Variants in CD59 observed in about 807,000 individuals in gnomAD.
CD59 encodes CD59 molecule (CD59 blood group), also known as CD59 glycoprotein.
A neutral mutation model predicts 7.0 loss-of-function variants in CD59; 3 were observed. The observed-to-expected ratio is 0.43, with a 90% confidence interval of 0.19 to 1.10. The LOEUF (loss-of-function observed/expected upper bound fraction) is 1.10, where lower values mean the gene tolerates loss of function less well. CD59 is among the 50% of genes least tolerant of loss of function. CD59 has a pLI of 0.29. For synonymous variants in CD59, 60 were observed against 62.0 expected (o/e 0.97, Z 0.15); for missense variants, 143 against 151.0 (o/e 0.95, Z 0.28).
chr11:33,722,412 G>C lies in CD59; in HGVS notation c.34C>G (p.Leu12Val). ...CAGAAGACAGCCAGGACGAGCAGCAGCCCGAACAGGACAGACCCTCCTTGG... is the reference window on the plus strand; with the variant it reads ...CAGAAGACAGCCAGGACGAGCAGCACCCCGAACAGGACAGACCCTCCTTGG... ...GIQGGSVLFG[L>V]LLVLAVFCHS... The change falls in exon 2 of 4, where the codon CTG becomes GTG. Residue 12 changes from leucine (L) to valine (V), a missense_variant. Physicochemically the swap from Leu to Val is conservative, Grantham distance 32 (BLOSUM62 1). Coordinates refer to ENST00000642928, the MANE Select transcript of CD59 (RefSeq NM_000611.6). The C allele has an allele frequency of 6.2e-7, 1 of 1,614,082 alleles. No homozygotes were observed. Among genetic ancestry groups the C allele is most frequent in the Non-Finnish European group, 8.5e-7 (1 of 1,179,910 alleles).
At chr11:33,722,779 G>A (rs771703159) in intron 1 of CD59, 19 of 1,040,118 alleles carry the variant, frequency 1.8e-5, no homozygotes, top group Non-Finnish European at 2.4e-5. Context: ...CACTCTACTG[G>A]CCCCACCCCA....
In CD59 at chr11:33,722,392, G is replaced by A. The variant is rs2231456; in HGVS notation, c.54C>T (p.Val18=). ...TGGAGCACTCACCTGAATGGCAGAA[G>A]ACAGCCAGGACGAGCAGCAGCCCGA... The part of the protein sequence containing the change: ...VLFGLLLVLA[V]FCHSGHSLQC... The change falls in exon 2 of 4, where the codon GTC becomes GTT. Residue 18 remains valine, a synonymous_variant. Coordinates refer to ENST00000642928, the MANE Select transcript of CD59 (RefSeq NM_000611.6). 659 of 1,612,284 alleles carry A rather than the reference G, an allele frequency of 4.1e-4. 3 individuals are homozygous for A. The African/African-American group carries it at 5.1e-3, about 12-fold the overall frequency.
intron 3 of CD59, among the ~76,000 whole-genome samples, chr11:33,715,854 T>C (rs895820907): frequency 2.0e-5 from 3 of 152,242 alleles, no homozygotes; most frequent in Non-Finnish European, 4.4e-5. Context: ...TGGAGAGAGC[T>C]AGCTGGTGGC....
intron 3 of CD59, among the ~76,000 whole-genome samples, chr11:33,712,867 T>C (rs1303460373): frequency 6.6e-6 from 1 of 152,228 alleles, no homozygotes; most frequent in African/African-American, 2.4e-5. Flanking sequence ...TACATTGAGG[T>C]AAGTGCATTT....
Position 33,707,947 on chromosome 11 carries a change from G to A in CD59, c.*2179C>T, listed in dbSNP as rs1014518587. ...CATTGTTCCGCTGTCAGGAGGAGAG[G>A]GGCCAGAAGGGTCACATTGAAGAAA... On this transcript the variant is annotated 3_prime_UTR_variant, in exon 4 of 4. Transcript: ENST00000642928. 42 of 152,160 alleles carry A rather than the reference G, an allele frequency of 2.8e-4. No individual in the cohort carries two copies. Among genetic ancestry groups the A allele is most frequent in the Admixed American group, 7.9e-4 (12 of 15,278 alleles). 9.4% of individuals were successfully genotyped at this position (152,160 alleles called of 1,614,324 possible). A position where few individuals can be genotyped will look rare whatever the true frequency, so the allele number is the denominator to read the frequency against.
rs184127621 is a variant in CD59, at chr11:33,705,222, G to C, written c.*4904C>G. 6.6e-6 allele frequency: 1 copy of C among 152,306 alleles called. No homozygotes were observed. The highest frequency in any genetic ancestry group is 6.5e-5 in the Admixed American group (1 of 15,304). The allele number at this position is 152,306 out of a possible 1,614,324, so 9.4% of individuals were successfully genotyped here. On this transcript the variant is annotated 3_prime_UTR_variant, in exon 4 of 4. Transcript: ENST00000642928. ...ACCACTTACTGTTGTGCGTTCTCAT[G>C]TTATCCTGACAGTAACACTTATAGG...
intron 1 of CD59, among the ~76,000 whole-genome samples, chr11:33,727,266 A>T (rs1854285704): frequency 6.6e-6 from 1 of 152,234 alleles, no homozygotes; most frequent in Non-Finnish European, 1.5e-5. Flanking sequence ...CTATGTGAAA[A>T]TCCTCAATAA....
At chr11:33,732,777 A>T (rs1366930758) in intron 1 of CD59, among the ~76,000 whole-genome samples, 1 of 152,228 alleles carries the variant, frequency 6.6e-6, no homozygotes, top group Non-Finnish European at 1.5e-5. Flanking sequence ...CTTATGTGGT[A>T]GGTAGAATAA....
At chr11:33,730,620 GAT>G (rs1270137296) in intron 1 of CD59, among the ~76,000 whole-genome samples, 1 of 152,142 alleles carries the variant, frequency 6.6e-6, no homozygotes, top group Non-Finnish European at 1.5e-5. Flanking sequence ...TATCAGCAGG[GAT>G]ATGATTAGTA....
chr11:33,717,741 G>A (rs914089745), intron 2 of CD59: 4 of 426,420 alleles, frequency 9.4e-6, no homozygotes, highest in South Asian at 2.1e-5. Context: ...GCAACTGGAA[G>A]GAGATTAGTC....
At chr11:33,717,107 A>G (rs1310795801) in intron 3 of CD59, among the ~76,000 whole-genome samples, 1 of 152,266 alleles carries the variant, frequency 6.6e-6, no homozygotes, top group Non-Finnish European at 1.5e-5. Context: ...TCAATTCCTG[A>G]GTCGGTTACT....
At chr11:33,716,104 T>C (rs1449931659) in intron 3 of CD59, among the ~76,000 whole-genome samples, 1 of 152,144 alleles carries the variant, frequency 6.6e-6, no homozygotes, top group Non-Finnish European at 1.5e-5. Context: ...GGTCTTCCAG[T>C]GGGGGCAGAG....
chr11:33,725,452 G>A (rs1488419022), intron 1 of CD59, among the ~76,000 whole-genome samples: 3 of 152,112 alleles, frequency 2.0e-5, no homozygotes, highest in African/African-American at 4.8e-5. Context: ...CATTAATAAC[G>A]GTGGGTTTGT....
At chr11:33,722,291 A>G in intron 2 of CD59, 88 bp downstream of exon 2, 1 of 970,108 alleles carries the variant, frequency 1.0e-6, no homozygotes, top group East Asian at 2.4e-5. Context: ...CCAGGCCTGG[A>G]GGAGCAGCTG....
chr11:33,721,335 TC>T (rs1183737955), intron 2 of CD59, among the ~76,000 whole-genome samples: 3 of 152,060 alleles, frequency 2.0e-5, no homozygotes, highest in African/African-American at 7.2e-5. Flanking sequence ...AGTACCGACC[TC>T]CCGGAATGGC....
Position 33,710,613 on chromosome 11 carries a change from A to G in CD59, c.170-270T>C, listed in dbSNP as rs16924647. ...ACAGGCATTTATACTGTTAAGAGGGAAATTTGGTAATATCTGCCAAGATTT... is the reference window on the plus strand; with the variant it reads ...ACAGGCATTTATACTGTTAAGAGGGGAATTTGGTAATATCTGCCAAGATTT... On this transcript the variant is annotated intron_variant, in intron 3 of 3. Transcript: ENST00000642928. Among the ~76,000 whole-genome samples, 224 of 152,332 alleles carry G rather than the reference A, an allele frequency of 1.5e-3. 12 individuals are homozygous for G. The South Asian group carries it at 0.039, about 26-fold the overall frequency.
rs1853375753 is a variant in CD59, at chr11:33,707,855, C to T, written c.*2271G>A. 1 of 152,232 alleles carries T rather than the reference C, an allele frequency of 6.6e-6. No individual in the cohort carries two copies. Among genetic ancestry groups the T allele is most frequent in the Admixed American group, 6.5e-5 (1 of 15,280 alleles). The allele number at this position is 152,232 out of a possible 1,614,324, so 9.4% of individuals were successfully genotyped here. On this transcript the variant is annotated 3_prime_UTR_variant, in exon 4 of 4. Coordinates refer to ENST00000642928, the MANE Select transcript of CD59 (RefSeq NM_000611.6). ...CTTGGCAGCAGGCAGAGAGCCTTTA[C>T]TGTCATAGTGAAGAGCTTGCCAAGG...
rs1454974594 is a variant in CD59 at position 33,708,670 on chromosome 11, G to T, written c.*1456C>A. On this transcript the variant is annotated 3_prime_UTR_variant, in exon 4 of 4. Coordinates refer to ENST00000642928, the MANE Select transcript of CD59 (RefSeq NM_000611.6). Reference sequence around the variant, plus strand: ...CTAACAGAGAACACAGAGCACCAAGGTAATGCTAAGTTTTGATAAGCAAGT... The same window carrying T: ...CTAACAGAGAACACAGAGCACCAAGTTAATGCTAAGTTTTGATAAGCAAGT... 6.6e-6 allele frequency: 1 copy of T among 151,904 alleles called. No homozygotes were observed. Among genetic ancestry groups the T allele is most frequent in the African/African-American group, 2.4e-5 (1 of 41,348 alleles). 9.4% of individuals were successfully genotyped at this position (151,904 alleles called of 1,614,324 possible).
At chr11:33,714,550 T>C (rs1405254486) in intron 3 of CD59, among the ~76,000 whole-genome samples, 2 of 152,202 alleles carry the variant, frequency 1.3e-5, no homozygotes, top group African/African-American at 4.8e-5. Context: ...ACTAAGCTTA[T>C]TTTAAAAAAT....
Sources: gnomAD v4.1 joint callset for allele counts (sites outside exome capture counted in the v4.1 genomes callset) on GRCh38, gnomAD v4.1.1 for gene constraint, MANE v1.5 for transcripts, NCBI Gene and HGNC (gene_info 2026-07-23, HGNC 2026-07-21) for gene names.